Variants in NLGN1 observed in about 807,000 individuals in gnomAD.
The protein encoded by NLGN1 is neuroligin-1.
In NLGN1, 12 loss-of-function variants were observed where a neutral mutation model predicts 65.5. That is an observed-to-expected ratio of 0.18 (90% CI 0.12 to 0.30). NLGN1 has a LOEUF of 0.30. NLGN1 is among the 10% of genes least tolerant of loss of function. The pLI is 1.00. For missense variants in NLGN1, 750 were observed against 1,007.1 expected, an observed-to-expected ratio of 0.74 and a Z score of 3.46; for synonymous variants, 350 against 359.5, an observed-to-expected ratio of 0.97 and a Z score of 0.30.
chr3:174,237,763 G>T (rs537237165), intron 4 of NLGN1, among the ~76,000 whole-genome samples: 3 of 152,150 alleles, frequency 2.0e-5, no homozygotes, highest in Admixed American at 2.0e-4. Context: ...CACCATTTTG[G>T]CCAGGCTGGT....
intron 2 of NLGN1, among the ~76,000 whole-genome samples, chr3:173,546,477 A>G (rs1739858517): frequency 6.6e-6 from 1 of 152,192 alleles, no homozygotes; most frequent in African/African-American, 2.4e-5. Context: ...AAGTGAACAA[A>G]AGTTTATTAG....
intron 2 of NLGN1, among the ~76,000 whole-genome samples, chr3:173,461,986 A>G (rs1041188837): frequency 9.2e-5 from 14 of 152,184 alleles, no homozygotes; most frequent in African/African-American, 2.7e-4. Context: ...TTCTCAAACC[A>G]TCTATGGTGA....
chr3:173,691,065 A>G (rs1765397247), intron 3 of NLGN1, among the ~76,000 whole-genome samples: 1 of 152,236 alleles, frequency 6.6e-6, no homozygotes, highest in Admixed American at 6.6e-5. Flanking sequence ...GGAAGCTTTG[A>G]AGCTTGTGAT....
intron 4 of NLGN1, among the ~76,000 whole-genome samples, chr3:174,039,071 C>A (rs1220052009): frequency 6.6e-6 from 1 of 152,108 alleles, no homozygotes; most frequent in Non-Finnish European, 1.5e-5. Context: ...GCTTAGCGAG[C>A]TCTAATTTCA....
At chr3:173,619,833 C>G (rs185283473) in intron 3 of NLGN1, among the ~76,000 whole-genome samples, 1 of 152,258 alleles carries the variant, frequency 6.6e-6, no homozygotes. Context: ...ATGGACATCT[C>G]TATCTTGGAT....
At chr3:173,528,591 G>T (rs1736037586) in intron 2 of NLGN1, among the ~76,000 whole-genome samples, 1 of 151,812 alleles carries the variant, frequency 6.6e-6, no homozygotes, top group Admixed American at 6.6e-5. Flanking sequence ...CATAGGTTTG[G>T]TCACTTCACA....
chr3:174,078,176 A>G (rs1292805585), intron 4 of NLGN1, among the ~76,000 whole-genome samples: 1 of 152,170 alleles, frequency 6.6e-6, no homozygotes, highest in East Asian at 1.9e-4. Flanking sequence ...GGAGAGGAAC[A>G]GGTAAGATAG....
At chr3:173,605,177 G>C in intron 3 of NLGN1, 86 bp downstream of exon 2, 7 of 1,112,912 alleles carry the variant, frequency 6.3e-6, no homozygotes, top group Non-Finnish European at 8.8e-6. Context: ...ATGTGTACTG[G>C]TAGTATGCAT....
intron 4 of NLGN1, among the ~76,000 whole-genome samples, chr3:174,039,714 A>G (rs758384402): frequency 2.0e-5 from 3 of 152,148 alleles, no homozygotes; most frequent in Non-Finnish European, 4.4e-5. Context: ...AGTGATTTCC[A>G]GGGCCAAAGA....
intron 3 of NLGN1, among the ~76,000 whole-genome samples, chr3:173,780,599 G>T (rs1290072704): frequency 2.0e-5 from 3 of 152,126 alleles, no homozygotes. Flanking sequence ...CTTTATTGAT[G>T]AGGTAAAACT....
intron 4 of NLGN1, among the ~76,000 whole-genome samples, chr3:173,844,236 A>ATT (rs1275447003): frequency 3.3e-5 from 5 of 152,166 alleles, no homozygotes; most frequent in Non-Finnish European, 7.3e-5. Flanking sequence ...TCAAGATGAA[A>ATT]TTTGGGTGGA....
At chr3:174,029,261 G>A (rs896011333) in intron 4 of NLGN1, among the ~76,000 whole-genome samples, 11 of 152,202 alleles carry the variant, frequency 7.2e-5, no homozygotes, top group Non-Finnish European at 1.5e-4. Flanking sequence ...AAAACCACAA[G>A]GGTGGAGCTG....
intron 4 of NLGN1, among the ~76,000 whole-genome samples, chr3:174,086,355 GATTAT>G (rs1397981831): frequency 1.9e-3 from 15 of 8,036 alleles, no homozygotes; most frequent in Non-Finnish European, 7.0e-4. Flanking sequence ...CCGGTTTTTG[GATTAT>G]ATTATATGAT....
chr3:173,476,517 A>G (rs1726243668), intron 2 of NLGN1, among the ~76,000 whole-genome samples: 1 of 152,154 alleles, frequency 6.6e-6, no homozygotes, highest in Non-Finnish European at 1.5e-5. Context: ...GAACGACCAG[A>G]ATTGGTAAAG....
chr3:173,858,375 C>T (rs1404228094), intron 4 of NLGN1, among the ~76,000 whole-genome samples: 1 of 151,988 alleles, frequency 6.6e-6, no homozygotes, highest in Non-Finnish European at 1.5e-5. Flanking sequence ...ATTTTCTCTT[C>T]TAGGATGTTT....
intron 2 of NLGN1, among the ~76,000 whole-genome samples, chr3:173,491,386 C>G (rs935155179): frequency 6.6e-6 from 1 of 151,694 alleles, no homozygotes. Context: ...TGTTTATACG[C>G]TGGATTATGT....
chr3:173,947,739 ATGTT>A (rs1309924366), intron 4 of NLGN1, among the ~76,000 whole-genome samples: 1 of 152,174 alleles, frequency 6.6e-6, no homozygotes, highest in Non-Finnish European at 1.5e-5. Context: ...ATAAGAATGG[ATGTT>A]TAAGAATAGG....
chr3:173,586,574 C>A (rs1333067114), intron 2 of NLGN1, among the ~76,000 whole-genome samples: 2 of 152,106 alleles, frequency 1.3e-5, no homozygotes, highest in Non-Finnish European at 2.9e-5. Flanking sequence ...TTTTGTCTCC[C>A]AGGAATTCTA....
At chr3:173,909,895 C>T (rs1396814168) in intron 4 of NLGN1, among the ~76,000 whole-genome samples, 1 of 152,156 alleles carries the variant, frequency 6.6e-6, no homozygotes, top group East Asian at 1.9e-4. Flanking sequence ...TCAGGCTGGT[C>T]TCAAACTCCT....
Sources: gnomAD v4.1 joint callset for allele counts (sites outside exome capture counted in the v4.1 genomes callset) on GRCh38, gnomAD v4.1.1 for gene constraint, MANE v1.5 for transcripts, NCBI Gene and HGNC (gene_info 2026-07-23, HGNC 2026-07-21) for gene names.